Variants in ZNF582 observed in about 807,000 individuals in gnomAD.
The protein encoded by ZNF582 is zinc finger protein 582.
ZNF582 carries 14 observed loss-of-function variants against 12.3 expected under a neutral mutation model. The observed-to-expected ratio is 1.14, with a 90% confidence interval of 0.75 to 1.78. The LOEUF (loss-of-function observed/expected upper bound fraction) is 1.78. ZNF582 is among the 40% of genes most tolerant of loss of function. The probability of loss-of-function intolerance (pLI) is 0.00; values close to 1 mark genes in which losing one functional copy is unlikely to be tolerated. For synonymous variants in ZNF582, 210 were observed against 207.2 expected (o/e 1.01, Z -0.11); for missense variants, 567 against 616.5 (o/e 0.92, Z 0.85).
chr19:56,383,705 C>G (rs561592046), exon 5 of ZNF582: 3 of 789,030 alleles, frequency 3.8e-6, no homozygotes, highest in Non-Finnish European at 5.3e-6. Flanking sequence ...GCATTTTTGA[C>G]AATTATGATC....
At chr19:56,387,647 G>A (rs2041978850) in intron 4 of ZNF582, 1 of 152,104 alleles carries the variant, frequency 6.6e-6, no homozygotes, top group Admixed American at 6.5e-5. Context: ...GCCCAGGCTG[G>A]AGTGCAGAGG....
chr19:56,384,582 CT>C lies in ZNF582; in HGVS notation c.834del (p.Gly279AlafsTer48). 1.2e-6 allele frequency: 2 copies of C among 1,613,954 alleles called. No individual in the cohort carries two copies. The highest frequency in any genetic ancestry group is 1.7e-6 in the Non-Finnish European group (2 of 1,179,994). Reference sequence around the variant, plus strand: ...TCCTTACACTGATAGGGTTTCTCGCCTGTGTGAGTTCGCTGATGTTCAATCA... The same window carrying C: ...TCCTTACACTGATAGGGTTTCTCGCCGTGTGAGTTCGCTGATGTTCAATCA... On this transcript the variant is annotated frameshift_variant, in exon 5 of 5. Coordinates refer to ENST00000586929, the Ensembl canonical transcript of ZNF582. LOFTEE classifies it low-confidence loss of function (END_TRUNC).
At chr19:56,384,821 T>C (rs1184739459) in exon 5 of ZNF582, 4 of 1,601,672 alleles carry the variant, frequency 2.5e-6, no homozygotes, top group African/African-American at 1.4e-5. Context: ...CTTACATTTA[T>C]AGGGTTTCTC....
At chr19:56,390,528 T>C (rs372039419) in intron 2 of ZNF582, 27 bp from the exon 3 acceptor site, 8 of 1,613,168 alleles carry the variant, frequency 5.0e-6, no homozygotes, top group Admixed American at 3.3e-5. Context: ...GTATGATATA[T>C]ATGTATTTCA....
At chr19:56,385,428 G>A (rs1026760274) in intron 4 of ZNF582, among the ~76,000 whole-genome samples, 2 of 152,210 alleles carry the variant, frequency 1.3e-5, no homozygotes, top group African/African-American at 4.8e-5. Context: ...GCTCATGCCT[G>A]TAATCCCAGT....
chr19:56,390,509 G>A lies in ZNF582; in HGVS notation c.10-8C>T. ...CCTGAACAATTCTGACCCCTGGAAT[G>A]ACAGGCATGTATGATATATATGTAT... On this transcript the variant is annotated splice_polypyrimidine_tract_variant and splice_region_variant and intron_variant, in intron 2 of 4. Coordinates refer to ENST00000586929, the Ensembl canonical transcript of ZNF582. 6.2e-7 allele frequency: 1 copy of A among 1,614,098 alleles called. No homozygotes were observed. The highest frequency in any genetic ancestry group is 8.5e-7 in the Non-Finnish European group (1 of 1,180,026).
intron 2 of ZNF582, among the ~76,000 whole-genome samples, chr19:56,391,072 T>C (rs1036951487): frequency 6.6e-6 from 1 of 152,188 alleles, no homozygotes; most frequent in African/African-American, 2.4e-5. Flanking sequence ...GTGCACAATT[T>C]TCTATCAAGT....
exon 5 of ZNF582, chr19:56,382,879 T>C (rs1350860730): frequency 6.6e-6 from 1 of 152,200 alleles, no homozygotes; most frequent in Non-Finnish European, 1.5e-5. Flanking sequence ...TTTTCTCTTC[T>C]TGGTTCCAAG....
exon 1 of ZNF582, chr19:56,393,313 A>C: frequency 5.1e-4 from 612 of 1,190,942 alleles, no homozygotes; most frequent in Non-Finnish European, 5.9e-4. Flanking sequence ...ATGTAGTCTC[A>C]CGCCGGTAAA....
exon 5 of ZNF582, chr19:56,383,705 C>T (rs561592046): frequency 3.8e-6 from 3 of 789,030 alleles, no homozygotes; most frequent in Non-Finnish European, 5.3e-6. Flanking sequence ...GCATTTTTGA[C>T]AATTATGATC....
At chr19:56,383,872 T>C (rs569116044) in exon 5 of ZNF582, 10 of 1,571,118 alleles carry the variant, frequency 6.4e-6, no homozygotes, top group Non-Finnish European at 7.7e-6. Flanking sequence ...CCTAGGCTAA[T>C]GGGCTTTCCC....
chr19:56,383,292 C>G (rs1463848421), exon 5 of ZNF582: 1 of 152,158 alleles, frequency 6.6e-6, no homozygotes, highest in Non-Finnish European at 1.5e-5. Context: ...GTAAGATGGT[C>G]TCTTTATTTC....
chr19:56,385,328 G>A (rs2041957568), intron 4 of ZNF582, 144 bp from the exon 5 acceptor site: 6 of 834,482 alleles, frequency 7.2e-6, no homozygotes, highest in Middle Eastern at 3.4e-4. Flanking sequence ...GTAGAACAGT[G>A]AAAGGAAAAT....
chr19:56,384,567 G>T, exon 5 of ZNF582: 1 of 1,613,934 alleles, frequency 6.2e-7, no homozygotes, highest in Non-Finnish European at 8.5e-7. Flanking sequence ...TCCTTACACT[G>T]ATAGGGTTTC....
chr19:56,383,888 C>A, exon 5 of ZNF582: 1 of 1,589,808 alleles, frequency 6.3e-7, no homozygotes. Flanking sequence ...TTCCCCATTA[C>A]TTCCATTCAT....
exon 4 of ZNF582, chr19:56,390,073 C>T (rs1309832627): frequency 3.7e-6 from 6 of 1,613,732 alleles, no homozygotes; most frequent in African/African-American, 1.3e-5. Context: ...AAGGAGATCA[C>T]ATCAGGTTTG....
rs760305641 is a variant in ZNF582, at chr19:56,384,212, C to CTACCACATACCT, written c.1193_1204dup (p.Lys398_Gly401dup). On this transcript the variant is annotated inframe_insertion, in exon 5 of 5. Coordinates refer to ENST00000586929, the Ensembl canonical transcript of ZNF582. ...AAGATGTGAGACCCGTTTGAAGGCC[C>CTACCACATACCT]TACCACATACCTTACATTGGTAGGG... 8.1e-6 allele frequency: 13 copies of CTACCACATACCT among 1,611,252 alleles called. No homozygotes were observed. The South Asian group carries it at 1.2e-4, about 15-fold the overall frequency.
At chr19:56,393,381 C>T (rs2042034419) in exon 1 of ZNF582, 2 of 735,886 alleles carry the variant, frequency 2.7e-6, no homozygotes, top group African/African-American at 1.8e-5. Context: ...GAGACCCAAC[C>T]GGCCCGGGCA....
intron 2 of ZNF582, 36 bp from the exon 3 acceptor site, chr19:56,390,537 C>A: frequency 6.2e-7 from 1 of 1,611,124 alleles, no homozygotes; most frequent in Non-Finnish European, 8.5e-7. Flanking sequence ...ATATGTATTT[C>A]AATGGTTCAC....
Sources: gnomAD v4.1 joint callset for allele counts (sites outside exome capture counted in the v4.1 genomes callset) on GRCh38, gnomAD v4.1.1 for gene constraint, MANE v1.5 for transcripts, NCBI Gene and HGNC (gene_info 2026-07-23, HGNC 2026-07-21) for gene names.